The following DCDC2 variants were observed in gnomAD, a reference collection of about 807,000 sequenced individuals.
DCDC2 encodes the protein doublecortin domain containing 2, also known as doublecortin domain-containing protein 2.
A neutral mutation model predicts 50.2 loss-of-function variants in DCDC2; 40 were observed. The ratio of observed to expected loss-of-function variants is 0.80; its 90% CI spans 0.62 to 1.04. DCDC2 has a LOEUF of 1.04. Among genes scored for constraint, DCDC2 ranks in the 50% least tolerant of loss-of-function variants. The pLI, the probability that DCDC2 is intolerant of heterozygous loss-of-function variation, is 0.00. For synonymous variants in DCDC2, 234 were observed against 210.6 expected (o/e 1.11, Z -0.96); for missense variants, 570 against 581.9 (o/e 0.98, Z 0.21).
Position 24,178,425 on chromosome 6 carries a change from C to G in DCDC2, c.1231G>C (p.Glu411Gln). The G allele has an allele frequency of 6.2e-7, 1 of 1,614,212 alleles. No individual in the cohort carries two copies. The highest frequency in any genetic ancestry group is 8.5e-7 in the Non-Finnish European group (1 of 1,180,044). ...ACCTGCTGCAGCTCCTCACCATTCT[C>G]CTCATCGGTGCCTCCATTTACACGA... ...PARVNGGTDE[E>Q]NGEELQQVNN... Residue 411 changes from glutamate to glutamine, a missense_variant, in exon 9 of 10, where the codon GAG (glutamate) becomes CAG (glutamine). Transcript: ENST00000378454.
chr6:24,264,399 C>A, intron 7 of DCDC2, among the ~76,000 whole-genome samples: 1 of 146,724 alleles, frequency 6.8e-6, no homozygotes, highest in South Asian at 2.2e-4. Context: ...AAAATGTGAA[C>A]CTATTAAAAA....
intron 2 of DCDC2, among the ~76,000 whole-genome samples, chr6:24,338,812 A>G (rs1021234607): frequency 1.3e-5 from 2 of 151,764 alleles, no homozygotes; most frequent in African/African-American, 4.8e-5. Context: ...CGCCCAGCTA[A>G]TTTTTGTATT....
At chr6:24,264,317 G>A (rs1307759180) in intron 7 of DCDC2, among the ~76,000 whole-genome samples, 1 of 152,150 alleles carries the variant, frequency 6.6e-6, no homozygotes. Context: ...GTAATAGTAA[G>A]TAGGCAAACA....
intron 8 of DCDC2, among the ~76,000 whole-genome samples, chr6:24,182,979 G>C (rs536622275): frequency 6.6e-6 from 1 of 152,294 alleles, no homozygotes; most frequent in East Asian, 1.9e-4. Context: ...GCCTTACAAA[G>C]AAAGAAAATT....
At chr6:24,219,820 G>C (rs948409962) in intron 7 of DCDC2, among the ~76,000 whole-genome samples, 6 of 152,230 alleles carry the variant, frequency 3.9e-5, no homozygotes, top group Admixed American at 1.3e-4. Context: ...GTGTGTGTTT[G>C]TGGTTACCAA....
intron 2 of DCDC2, among the ~76,000 whole-genome samples, chr6:24,319,283 TG>T (rs1347498255): frequency 4.2e-4 from 24 of 56,754 alleles, no homozygotes; most frequent in South Asian, 1.1e-3. Flanking sequence ...AAATTATTTG[TG>T]GGGTTTTTTT....
chr6:24,225,880 G>C (rs1223043200), intron 7 of DCDC2, among the ~76,000 whole-genome samples: 1 of 152,128 alleles, frequency 6.6e-6, no homozygotes, highest in African/African-American at 2.4e-5. Flanking sequence ...TATCAGAACA[G>C]TAAAAACAGT....
intron 8 of DCDC2, among the ~76,000 whole-genome samples, chr6:24,191,618 G>A (rs759180666): frequency 2.6e-5 from 4 of 152,186 alleles, no homozygotes; most frequent in Non-Finnish European, 4.4e-5. Context: ...TTCCCTCATA[G>A]AAAATCTGCC....
chr6:24,367,915 C>T, the DCDC2 span, among the ~76,000 whole-genome samples: 22 of 151,678 alleles, frequency 1.5e-4, no homozygotes, highest in African/African-American at 4.3e-4. Flanking sequence ...AGAAAAAAAG[C>T]GATTGAAAGT....
the DCDC2 span, among the ~76,000 whole-genome samples, chr6:24,381,790 A>AAAGG: frequency 7.3e-6 from 1 of 136,446 alleles, no homozygotes. Flanking sequence ...ATTGGAAAAG[A>AAAGG]AAGGAAGGAA....
chr6:24,187,720 T>C (rs1017130164), intron 8 of DCDC2, among the ~76,000 whole-genome samples: 1 of 152,174 alleles, frequency 6.6e-6, no homozygotes, highest in Non-Finnish European at 1.5e-5. Context: ...AAGACACAAA[T>C]GTGCCTCCCA....
At position 24,357,686 on chromosome 6, in the gene DCDC2, T is replaced by C; in HGVS notation, c.65A>G (p.Tyr22Cys). 1 of 1,613,386 alleles carries C rather than the reference T, an allele frequency of 6.2e-7. No individual in the cohort carries two copies. Among genetic ancestry groups the C allele is most frequent in the Non-Finnish European group, 8.5e-7 (1 of 1,180,028 alleles). Residue 22 changes from tyrosine (Y) to cysteine (C), a missense_variant, in exon 1 of 10, where the codon TAC becomes TGC. Physicochemically the swap from Tyr to Cys is radical, Grantham distance 194. Transcript: ENST00000378454. ...CGCGTAGAAGGGGTCCCCGTTGCGGTACACAAGCACGCTCTTCACGACGGG... is the reference window on the plus strand; with the variant it reads ...CGCGTAGAAGGGGTCCCCGTTGCGGCACACAAGCACGCTCTTCACGACGGG... Reference protein sequence around the residue: ...SQPVVKSVLVYRNGDPFYAGR... With the variant: ...SQPVVKSVLVCRNGDPFYAGR...
At chr6:24,180,185 T>C (rs1761038367) in intron 8 of DCDC2, among the ~76,000 whole-genome samples, 1 of 152,138 alleles carries the variant, frequency 6.6e-6, no homozygotes, top group Non-Finnish European at 1.5e-5. Flanking sequence ...TCACAGATCC[T>C]AAAAAACATG....
chr6:24,261,308 A>T (rs1380038202), intron 7 of DCDC2, among the ~76,000 whole-genome samples: 1 of 151,048 alleles, frequency 6.6e-6, no homozygotes, highest in Non-Finnish European at 1.5e-5. Flanking sequence ...TGTTATGCAC[A>T]TAAGGTTTGT....
chr6:24,327,483 T>TATTTATTTATTC (rs1554119342), intron 2 of DCDC2, among the ~76,000 whole-genome samples: 1 of 144,038 alleles, frequency 6.9e-6, no homozygotes, highest in Non-Finnish European at 1.5e-5. Context: ...TTTATTTATT[T>TATTTATTTATTC]ATTGGCTGAT....
chr6:24,185,753 A>AT (rs1761191031), intron 8 of DCDC2, among the ~76,000 whole-genome samples: 1 of 149,938 alleles, frequency 6.7e-6, no homozygotes, highest in Non-Finnish European at 1.5e-5. Flanking sequence ...AATCTATACC[A>AT]TGGTGACAGT....
chr6:24,254,064 C>T (rs374272474), intron 7 of DCDC2, among the ~76,000 whole-genome samples: 83 of 152,080 alleles, frequency 5.5e-4, no homozygotes, highest in Middle Eastern at 3.4e-3. Flanking sequence ...TAAACCTTTT[C>T]GTTAAAAACT....
At chr6:24,227,650 T>C (rs1387896779) in intron 7 of DCDC2, among the ~76,000 whole-genome samples, 1 of 152,210 alleles carries the variant, frequency 6.6e-6, no homozygotes, top group African/African-American at 2.4e-5. Flanking sequence ...AAATTATTCC[T>C]GGCAACTCTT....
intron 7 of DCDC2, among the ~76,000 whole-genome samples, chr6:24,270,869 G>C (rs1398416077): frequency 1.3e-5 from 2 of 152,026 alleles, no homozygotes; most frequent in South Asian, 4.1e-4. Context: ...TCAGTCTTTG[G>C]TATGCCAGAA....
Sources: allele counts gnomAD v4.1 joint callset (sites outside exome capture counted in the v4.1 genomes callset), GRCh38; gene constraint gnomAD v4.1.1; transcripts MANE v1.5; gene names NCBI Gene and HGNC (gene_info 2026-07-23, HGNC 2026-07-21).